The following PCDH9 variants were observed in gnomAD, a reference collection of about 807,000 sequenced individuals.
The protein encoded by PCDH9 is protocadherin-9.
A neutral mutation model predicts 70.6 loss-of-function variants in PCDH9; 24 were observed. The ratio of observed to expected loss-of-function variants is 0.34; its 90% CI spans 0.25 to 0.48. The LOEUF (loss-of-function observed/expected upper bound fraction) is 0.48, where lower values mean the gene tolerates loss of function less well. Among genes scored for constraint, PCDH9 ranks in the 20% least tolerant of loss-of-function variants. The pLI, the probability that PCDH9 is intolerant of heterozygous loss-of-function variation, is 0.99. For synonymous variants in PCDH9, 562 were observed against 558.5 expected, an observed-to-expected ratio of 1.01 and a Z score of -0.09; for missense variants, 1,281 against 1,503.6, an observed-to-expected ratio of 0.85 and a Z score of 2.45.
rs1305622970 is a variant in PCDH9 at position 66,700,917 on chromosome 13, CATATAAATATATATATATATATATATAT to C, written c.3139-69534_3139-69507del. On this transcript the variant is annotated intron_variant, in intron 3 of 4. Coordinates refer to ENST00000377865, the MANE Select transcript of PCDH9 (RefSeq NM_203487.3). ...ATATATATGAAAATATATGTGTGTA[CATATAAATATATATATATATATATATAT>C]ATATATATATATATATATATATATA... 6.6e-4 allele frequency among the ~76,000 whole-genome samples: 34 copies of C among 51,772 alleles called. 1 individual carries two copies. The highest frequency in any genetic ancestry group is 3.7e-3 in the Admixed American group (17 of 4,534). 34.0% of individuals were successfully genotyped at this position (51,772 alleles called of 152,430 possible).
chr13:66,438,473 G>A (rs73510021), intron 4 of PCDH9, among the ~76,000 whole-genome samples: 8 of 152,062 alleles, frequency 5.3e-5, no homozygotes, highest in African/African-American at 1.9e-4. Context: ...AACTGTTGGT[G>A]TGTATTTGAA....
chr13:67,222,394 T>C (rs1352828378), intron 2 of PCDH9: 3 of 151,840 alleles, frequency 2.0e-5, no homozygotes, highest in Non-Finnish European at 1.5e-5. Flanking sequence ...CTTTATAAAA[T>C]AGAGTGAATG....
chr13:66,740,589 G>A (rs1390868275), intron 3 of PCDH9, among the ~76,000 whole-genome samples: 19 of 148,980 alleles, frequency 1.3e-4, no homozygotes, highest in African/African-American at 2.7e-4. Flanking sequence ...GTGATAGGCC[G>A]CTAGCAAGAC....
intron 2 of PCDH9, among the ~76,000 whole-genome samples, chr13:66,968,757 T>C (rs1275433207): frequency 1.3e-5 from 2 of 152,070 alleles, no homozygotes; most frequent in African/African-American, 4.8e-5. Context: ...CCTTCTAAGA[T>C]GATATCCACA....
At chr13:67,002,719 A>T (rs933382128) in intron 2 of PCDH9, among the ~76,000 whole-genome samples, 23 of 152,102 alleles carry the variant, frequency 1.5e-4, no homozygotes, top group African/African-American at 4.8e-4. Context: ...TCTTCTATGA[A>T]CTTCTTTTTT....
intron 2 of PCDH9, chr13:67,208,638 T>C (rs775848966): frequency 2.6e-5 from 4 of 152,160 alleles, no homozygotes; most frequent in Non-Finnish European, 5.9e-5. Context: ...TAAGTAAATT[T>C]ACTACTGTCA....
chr13:66,376,115 A>G (rs537177147), intron 4 of PCDH9, among the ~76,000 whole-genome samples: 2 of 152,240 alleles, frequency 1.3e-5, no homozygotes, highest in South Asian at 4.1e-4. Flanking sequence ...CAGATTTACC[A>G]CTACCAAAAA....
At chr13:67,194,141 T>C (rs1306099240) in intron 2 of PCDH9, among the ~76,000 whole-genome samples, 1 of 152,124 alleles carries the variant, frequency 6.6e-6, no homozygotes, top group Non-Finnish European at 1.5e-5. Context: ...ACTTATCAAA[T>C]ACTTAATGAT....
At chr13:66,733,167 C>G (rs1415382569) in intron 3 of PCDH9, among the ~76,000 whole-genome samples, 1 of 152,050 alleles carries the variant, frequency 6.6e-6, no homozygotes, top group East Asian at 1.9e-4. Context: ...TGAAAATCCT[C>G]TGCATATAAT....
At chr13:66,545,590 T>C (rs898535254) in intron 4 of PCDH9, among the ~76,000 whole-genome samples, 1 of 152,162 alleles carries the variant, frequency 6.6e-6, no homozygotes, top group Non-Finnish European at 1.5e-5. Context: ...CAATGGCACT[T>C]GAAAATTCCT....
intron 2 of PCDH9, among the ~76,000 whole-genome samples, chr13:66,994,351 A>T (rs1177165723): frequency 6.6e-6 from 1 of 152,182 alleles, no homozygotes. Flanking sequence ...CGGACGCAGT[A>T]GCTCCCCTCA....
intron 4 of PCDH9, among the ~76,000 whole-genome samples, chr13:66,383,289 C>T (rs960283260): frequency 6.6e-6 from 1 of 152,102 alleles, no homozygotes; most frequent in African/African-American, 2.4e-5. Context: ...ACTCCTTCTT[C>T]GTACATATTT....
At chr13:66,454,110 C>T (rs1454165287) in intron 4 of PCDH9, among the ~76,000 whole-genome samples, 1 of 151,400 alleles carries the variant, frequency 6.6e-6, no homozygotes, top group Non-Finnish European at 1.5e-5. Flanking sequence ...AATGTATGCA[C>T]TATGGGAAGA....
intron 3 of PCDH9, among the ~76,000 whole-genome samples, chr13:66,821,003 T>C (rs1347949454): frequency 1.3e-5 from 2 of 152,194 alleles, no homozygotes; most frequent in Non-Finnish European, 2.9e-5. Context: ...TTAAAAAAAA[T>C]TTAAAAAGAT....
At chr13:66,685,561 G>A (rs2078389594) in intron 3 of PCDH9, among the ~76,000 whole-genome samples, 1 of 152,318 alleles carries the variant, frequency 6.6e-6, no homozygotes, top group Middle Eastern at 3.4e-3. Flanking sequence ...ACTGCCTAGT[G>A]GAGATGTGAG....
intron 4 of PCDH9, among the ~76,000 whole-genome samples, chr13:66,420,637 A>G (rs966133276): frequency 3.3e-5 from 5 of 152,162 alleles, no homozygotes; most frequent in African/African-American, 1.2e-4. Context: ...CAATAGCATC[A>G]ATATCAACAA....
chr13:66,797,606 T>A (rs1380552587), intron 3 of PCDH9, among the ~76,000 whole-genome samples: 2 of 152,170 alleles, frequency 1.3e-5, no homozygotes, highest in Admixed American at 6.6e-5. Context: ...CTATGGCGAA[T>A]AAAACACATG....
intron 2 of PCDH9, among the ~76,000 whole-genome samples, chr13:67,047,419 TA>T (rs1262542595): frequency 6.6e-6 from 1 of 152,210 alleles, no homozygotes; most frequent in Non-Finnish European, 1.5e-5. Context: ...TTCTCATATA[TA>T]AATAAGTCAC....
chr13:66,687,560 A>G (rs1411477178), intron 3 of PCDH9, among the ~76,000 whole-genome samples: 1 of 152,050 alleles, frequency 6.6e-6, no homozygotes, highest in Admixed American at 6.5e-5. Context: ...TCTATAGTTA[A>G]ATTTCCAATT....
Sources: allele counts gnomAD v4.1 joint callset (sites outside exome capture counted in the v4.1 genomes callset), GRCh38; gene constraint gnomAD v4.1.1; transcripts MANE v1.5; gene names NCBI Gene and HGNC (gene_info 2026-07-23, HGNC 2026-07-21).